SHANK2: variants seen among roughly 807,000 people sequenced by gnomAD.
SHANK2 encodes the protein SH3 and multiple ankyrin repeat domains 2.
In SHANK2, 43 loss-of-function variants were observed where a neutral mutation model predicts 133.7. The observed-to-expected ratio is 0.32, with a 90% CI of 0.25 to 0.41. The LOEUF (loss-of-function observed/expected upper bound fraction) is 0.41, where lower values mean the gene tolerates loss of function less well. Ranked by LOEUF, SHANK2 falls within the 10% of genes least tolerant of loss-of-function variation. The pLI, the probability that SHANK2 is intolerant of heterozygous loss-of-function variation, is 1.00. For synonymous variants in SHANK2, 1,017 were observed against 952.8 expected, an observed-to-expected ratio of 1.07 and a Z score of -1.24; for missense variants, 1,994 against 2,235.8, an observed-to-expected ratio of 0.89 and a Z score of 2.18.
At chr11:70,511,285 G>T (rs1390695297) in intron 17 of SHANK2, among the ~76,000 whole-genome samples, 1 of 152,116 alleles carries the variant, frequency 6.6e-6, no homozygotes, top group African/African-American at 2.4e-5. Context: ...GTTCAGCAGG[G>T]ACAGAGGAAA....
chr11:71,121,211 G>A (rs1182355143), intron 3 of SHANK2, among the ~76,000 whole-genome samples: 3 of 152,224 alleles, frequency 2.0e-5, no homozygotes, highest in African/African-American at 7.2e-5. Flanking sequence ...ATTCCCCCAT[G>A]AAAATCAGAG....
rs1335017829 is a variant in SHANK2, at chr11:70,479,308, T to G, written c.4980-5869A>C. Among the ~76,000 whole-genome samples, 3 of 152,216 alleles carry G rather than the reference T, an allele frequency of 2.0e-5. No individual in the cohort carries two copies. Among genetic ancestry groups the G allele is most frequent in the African/African-American group, 7.2e-5 (3 of 41,460 alleles). On this transcript the variant is annotated intron_variant, in intron 25 of 25. Coordinates refer to ENST00000601538, the MANE Select transcript of SHANK2 (RefSeq NM_012309.5). The surrounding 1 kb of genome is among the most constrained non-coding windows in gnomAD (Gnocchi z 4.4). ...TGCTCTGGGACCAGCTGGGCAGAGA[T>G]AACTTTTTAACAACCCAAAGTTATT...
intron 10 of SHANK2, among the ~76,000 whole-genome samples, chr11:70,928,574 C>T (rs1451892704): frequency 6.6e-6 from 1 of 151,888 alleles, no homozygotes; most frequent in Non-Finnish European, 1.5e-5. Flanking sequence ...CCTGTGGTAA[C>T]AGAAAAAGGC....
intron 17 of SHANK2, among the ~76,000 whole-genome samples, chr11:70,623,171 G>A (rs1390324026): frequency 2.7e-5 from 4 of 149,820 alleles, no homozygotes; most frequent in Admixed American, 6.6e-5. Context: ...GCGAGATTTC[G>A]TCTCAATCAA....
rs36001144 is a variant in SHANK2, at chr11:70,910,806, C to CA, written c.1108-14240dup. Among the ~76,000 whole-genome samples, 845 of 136,956 alleles carry CA rather than the reference C, an allele frequency of 6.2e-3. 6 individuals are homozygous for CA. Among genetic ancestry groups the CA allele is most frequent in the African/African-American group, 0.023 (806 of 35,776 alleles). The allele number at this position is 136,956 out of a possible 152,430, so 89.8% of individuals were successfully genotyped here. A position where few individuals can be genotyped will look rare whatever the true frequency, so the allele number is the denominator to read the frequency against. On this transcript the variant is annotated intron_variant, in intron 10 of 25. Coordinates refer to ENST00000601538, the MANE Select transcript of SHANK2 (RefSeq NM_012309.5). Reference sequence around the variant, plus strand: ...TGGGCAATAGAGTGAGACTCCATCTCAAAAAAAAAAAAAAAGTTGAAAGAA... The same window carrying CA: ...TGGGCAATAGAGTGAGACTCCATCTCAAAAAAAAAAAAAAAAGTTGAAAGAA...
intron 2 of SHANK2, among the ~76,000 whole-genome samples, chr11:71,217,797 G>A (rs1419801580): frequency 1.3e-5 from 2 of 152,258 alleles, no homozygotes; most frequent in Admixed American, 1.3e-4. Flanking sequence ...CAAAATGTTT[G>A]TATAGCTGAC....
intron 17 of SHANK2, among the ~76,000 whole-genome samples, chr11:70,540,389 G>A (rs1440588178): frequency 6.6e-6 from 1 of 152,018 alleles, no homozygotes; most frequent in African/African-American, 2.4e-5. Flanking sequence ...TCCCTCCTGT[G>A]GAGTCGAGGT....
Position 71,163,093 on chromosome 11 carries a change from A to AAACATATATATATATATATATATATATAT in SHANK2, c.-12-15756_-12-15755insATATATATATATATATATATATATATGTT. On this transcript the variant is annotated intron_variant, in intron 2 of 25. Transcript: ENST00000601538. ...GTCTAAAAAAAAAAAAAAAAAAAAAAATACATATATATATATATACAGAAT... is the reference window on the plus strand; with the variant it reads ...GTCTAAAAAAAAAAAAAAAAAAAAAAAACATATATATATATATATATATATATATATACATATATATATATATACAGAAT... Among the ~76,000 whole-genome samples the AAACATATATATATATATATATATATATAT allele has an allele frequency of 5.8e-3, 491 of 84,510 alleles. 52 individuals are homozygous for AAACATATATATATATATATATATATATAT. The highest frequency in any genetic ancestry group is 9.6e-3 in the Non-Finnish European group (379 of 39,426). 55.4% of individuals were successfully genotyped at this position (84,510 alleles called of 152,430 possible).
chr11:71,208,394 T>C (rs368028435), intron 2 of SHANK2, among the ~76,000 whole-genome samples: 23 of 152,194 alleles, frequency 1.5e-4, no homozygotes, highest in African/African-American at 4.8e-4. Context: ...GGTGAGGCTA[T>C]GGAACAAGGG....
intron 14 of SHANK2, among the ~76,000 whole-genome samples, chr11:70,746,937 C>T (rs1192338556): frequency 6.7e-6 from 1 of 150,174 alleles, no homozygotes; most frequent in Non-Finnish European, 1.5e-5. Flanking sequence ...CTGTACTCCC[C>T]TTTACCCCTC....
chr11:70,767,851 A>C (rs1947155923), intron 14 of SHANK2, among the ~76,000 whole-genome samples: 1 of 152,202 alleles, frequency 6.6e-6, no homozygotes, highest in South Asian at 2.1e-4. Flanking sequence ...TTTCGCCTGA[A>C]TCAAAACACA....
intron 17 of SHANK2, among the ~76,000 whole-genome samples, chr11:70,555,699 C>T (rs1291712477): frequency 6.6e-6 from 1 of 152,170 alleles, no homozygotes; most frequent in Non-Finnish European, 1.5e-5. Context: ...GCATTCCAGC[C>T]TGGGTGAAAG....
At chr11:71,186,970 C>A (rs530924729) in intron 2 of SHANK2, among the ~76,000 whole-genome samples, 53 of 152,350 alleles carry the variant, frequency 3.5e-4, no homozygotes, top group African/African-American at 1.2e-3. Context: ...ATTCCTCCTG[C>A]CGTAGCTGGT....
At chr11:70,787,495 C>T (rs62638901) in intron 14 of SHANK2, among the ~76,000 whole-genome samples, 3 of 60,938 alleles carry the variant, frequency 4.9e-5, no homozygotes, top group Admixed American at 2.3e-4. Flanking sequence ...CCACCACCAC[C>T]AGCATCACCA....
intron 6 of SHANK2, among the ~76,000 whole-genome samples, chr11:71,095,501 C>T (rs1951594177): frequency 6.6e-6 from 1 of 152,208 alleles, no homozygotes; most frequent in African/African-American, 2.4e-5. Flanking sequence ...CAGAAAAGTG[C>T]ACAGAGTACC....
At chr11:70,726,156 T>C (rs1946177685) in intron 14 of SHANK2, among the ~76,000 whole-genome samples, 1 of 152,156 alleles carries the variant, frequency 6.6e-6, no homozygotes, top group Admixed American at 6.5e-5. Context: ...GTGCCTCTTT[T>C]TCAGTGAAAT....
At chr11:70,885,983 C>T (rs1390629253) in intron 11 of SHANK2, among the ~76,000 whole-genome samples, 10 of 152,122 alleles carry the variant, frequency 6.6e-5, no homozygotes, top group African/African-American at 2.4e-4. Flanking sequence ...CGTGACCGAC[C>T]CCTTCAGCTG....
rs1303052498 is a variant in SHANK2 at position 70,807,416 on chromosome 11, C to T, written c.1494-245G>A. Among the ~76,000 whole-genome samples the T allele has an allele frequency of 5.3e-5, 8 of 152,228 alleles. No individual in the cohort carries two copies. Among genetic ancestry groups the T allele is most frequent in the Admixed American group, 4.6e-4 (7 of 15,286 alleles). On this transcript the variant is annotated intron_variant, in intron 12 of 25. Transcript: ENST00000601538. The surrounding 1 kb of genome is among the most constrained non-coding windows in gnomAD (Gnocchi z 4.8). The stretch of plus-strand genomic sequence containing the variant: ...GACAGAAAGCTGCCACTCGGGGAGA[C>T]GTCTGCACACCTGCGTTCACAGTGG...
intron 17 of SHANK2, among the ~76,000 whole-genome samples, chr11:70,505,959 C>G (rs963613344): frequency 1.1e-4 from 16 of 152,208 alleles, no homozygotes; most frequent in Admixed American, 2.6e-4. Flanking sequence ...CCAGAGCTGG[C>G]CCTTGGCCGC....
Sources: allele counts gnomAD v4.1 joint callset (sites outside exome capture counted in the v4.1 genomes callset), GRCh38; gene constraint gnomAD v4.1.1; non-coding constraint Gnocchi (gnomAD v3.1); transcripts MANE v1.5; gene names NCBI Gene and HGNC (gene_info 2026-07-23, HGNC 2026-07-21).